The following DGKI variants were observed in gnomAD, a reference collection of about 807,000 sequenced individuals.
DGKI encodes DAG kinase iota.
In DGKI, 55 loss-of-function variants were observed where a neutral mutation model predicts 147.5. The ratio of observed to expected loss-of-function variants is 0.37; its 90% CI spans 0.30 to 0.47. The LOEUF (loss-of-function observed/expected upper bound fraction) is 0.47. Among genes scored for constraint, DGKI ranks in the 20% least tolerant of loss-of-function variants. The pLI is 1.00. For synonymous variants in DGKI, 469 were observed against 477.1 expected, an observed-to-expected ratio of 0.98 and a Z score of 0.22; for missense variants, 1,007 against 1,323.8, an observed-to-expected ratio of 0.76 and a Z score of 3.71.
At chr7:137,416,113 AGAAAG>A (rs1250547718) in intron 28 of DGKI, among the ~76,000 whole-genome samples, 2 of 152,218 alleles carry the variant, frequency 1.3e-5, no homozygotes, top group Non-Finnish European at 2.9e-5. Context: ...GAAAGAAAGG[AGAAAG>A]GAGACAGAAA....
At chr7:137,396,034 T>C in intron 31 of DGKI, 1 of 140,444 alleles carries the variant, frequency 7.1e-6, no homozygotes, top group Non-Finnish European at 1.2e-5. Context: ...ACTGAAGCCA[T>C]TCTCTCTGTG....
chr7:137,561,527 G>A (rs1646398), intron 19 of DGKI, among the ~76,000 whole-genome samples: 7,812 of 152,182 alleles, frequency 0.051, 514 homozygotes, highest in African/African-American at 0.13. Flanking sequence ...GACTATAGTT[G>A]ACAGTAATAT....
chr7:137,421,713 G>A (rs772826867), intron 28 of DGKI, among the ~76,000 whole-genome samples: 2 of 152,218 alleles, frequency 1.3e-5, no homozygotes, highest in East Asian at 1.9e-4. Flanking sequence ...CCACTTCTGC[G>A]ATTAAGTCAT....
At chr7:137,659,708 G>A (rs564858913) in intron 3 of DGKI, among the ~76,000 whole-genome samples, 40 of 152,278 alleles carry the variant, frequency 2.6e-4, no homozygotes, top group African/African-American at 9.1e-4. Flanking sequence ...TGAGGCGGGC[G>A]GATCACAAGG....
rs558702593 is a variant in DGKI, at chr7:137,555,002, C to T, written c.1948-2434G>A. Among the ~76,000 whole-genome samples, 12 of 149,410 alleles carry T rather than the reference C, an allele frequency of 8.0e-5. No individual in the cohort carries two copies. The South Asian group carries it at 2.6e-3, about 32-fold the overall frequency. The stretch of plus-strand genomic sequence containing the variant: ...TGCAATCTCAGCTCACTGCAACCTC[C>T]ACCTCCCGGGTTCAAGTGATTCCCC... On this transcript the variant is annotated intron_variant, in intron 19 of 32. Coordinates refer to ENST00000614521, the MANE Select transcript of DGKI (RefSeq NM_001321708.2).
At chr7:137,594,379 A>C (rs115559556) in intron 12 of DGKI, among the ~76,000 whole-genome samples, 69 of 152,298 alleles carry the variant, frequency 4.5e-4, no homozygotes, top group African/African-American at 1.6e-3. Flanking sequence ...ATACAATTAA[A>C]GTAGCTAATA....
chr7:137,471,508 C>T (rs974229688), intron 23 of DGKI, among the ~76,000 whole-genome samples: 1 of 152,166 alleles, frequency 6.6e-6, no homozygotes, highest in African/African-American at 2.4e-5. Flanking sequence ...CACTTGTTCT[C>T]AAAGTGTGCA....
chr7:137,650,622 T>G (rs1184526057), intron 5 of DGKI, among the ~76,000 whole-genome samples: 1 of 152,174 alleles, frequency 6.6e-6, no homozygotes, highest in Non-Finnish European at 1.5e-5. Context: ...CAGAAAGCTC[T>G]CTCACCCTCT....
intron 3 of DGKI, among the ~76,000 whole-genome samples, chr7:137,674,123 A>G (rs1416743240): frequency 4.6e-5 from 7 of 152,226 alleles, no homozygotes; most frequent in Non-Finnish European, 7.3e-5. Context: ...TATTTTATCT[A>G]GACCAGAAAA....
chr7:137,550,539 A>G (rs1389618961), intron 20 of DGKI, among the ~76,000 whole-genome samples: 2 of 152,116 alleles, frequency 1.3e-5, no homozygotes, highest in African/African-American at 2.4e-5. Context: ...GCTACAAAAA[A>G]TGCCATCATA....
intron 1 of DGKI, among the ~76,000 whole-genome samples, chr7:137,764,769 G>A (rs1414249623): frequency 6.6e-6 from 1 of 152,082 alleles, no homozygotes; most frequent in Non-Finnish European, 1.5e-5. Flanking sequence ...TTATTTTCCT[G>A]CAGCTCAGGA....
intron 1 of DGKI, among the ~76,000 whole-genome samples, chr7:137,739,163 G>C (rs1305114661): frequency 6.6e-6 from 1 of 152,100 alleles, no homozygotes; most frequent in East Asian, 1.9e-4. Context: ...TCTCAGCATG[G>C]ATCTACATCC....
At chr7:137,612,703 G>A (rs954551037) in intron 8 of DGKI, among the ~76,000 whole-genome samples, 1 of 152,092 alleles carries the variant, frequency 6.6e-6, no homozygotes, top group African/African-American at 2.4e-5. Context: ...ATGTCAAGAA[G>A]TTACTGTGTA....
At chr7:137,610,784 C>A (rs1421636496) in intron 8 of DGKI, among the ~76,000 whole-genome samples, 2 of 152,118 alleles carry the variant, frequency 1.3e-5, no homozygotes, top group African/African-American at 2.4e-5. Flanking sequence ...ACTAAGTCAT[C>A]CAAATTAGTA....
chr7:137,441,114 G>T (rs551391427), intron 28 of DGKI, among the ~76,000 whole-genome samples: 1 of 152,038 alleles, frequency 6.6e-6, no homozygotes, highest in Non-Finnish European at 1.5e-5. Context: ...CTATGTTTGG[G>T]GTGCTTTTAA....
chr7:137,420,719 T>C (rs1010353338), intron 28 of DGKI, among the ~76,000 whole-genome samples: 3 of 152,084 alleles, frequency 2.0e-5, no homozygotes, highest in Admixed American at 6.6e-5. Context: ...CCTTAATCTC[T>C]CATTAATAAT....
intron 20 of DGKI, among the ~76,000 whole-genome samples, chr7:137,523,032 A>G (rs1424019004): frequency 6.6e-6 from 1 of 152,082 alleles, no homozygotes; most frequent in African/African-American, 2.4e-5. Flanking sequence ...AAAGGAGGAA[A>G]AGGAAGGAAA....
At chr7:137,623,427 C>T (rs1820821126) in intron 7 of DGKI, 56 bp downstream of exon 7, 3 of 1,502,282 alleles carry the variant, frequency 2.0e-6, no homozygotes, top group African/African-American at 1.4e-5. Context: ...AATAATGACA[C>T]AAGTGTATTT....
intron 21 of DGKI, among the ~76,000 whole-genome samples, chr7:137,508,729 C>T (rs1180826099): frequency 2.0e-5 from 3 of 152,052 alleles, no homozygotes; most frequent in Admixed American, 6.6e-5. Context: ...TCATGAAAGA[C>T]AGAGCCCCTC....
Sources: gnomAD v4.1 joint callset for allele counts (sites outside exome capture counted in the v4.1 genomes callset) on GRCh38, gnomAD v4.1.1 for gene constraint, MANE v1.5 for transcripts, NCBI Gene and HGNC (gene_info 2026-07-23, HGNC 2026-07-21) for gene names.